The following GALNT7 variants were observed in gnomAD, a reference collection of about 807,000 sequenced individuals.
The protein encoded by GALNT7 is N-acetylgalactosaminyltransferase 7.
Under a neutral mutation model 82.1 loss-of-function variants are expected in GALNT7, and 60 were observed. The ratio of observed to expected loss-of-function variants is 0.73; its 90% CI spans 0.59 to 0.91. GALNT7 has a LOEUF of 0.91. Ranked by LOEUF, GALNT7 falls within the 40% of genes least tolerant of loss-of-function variation. The pLI is 0.00. For missense variants in GALNT7, 660 were observed against 804.2 expected (o/e 0.82, Z 2.17); for synonymous variants, 243 against 275.1 (o/e 0.88, Z 1.15).
chr4:173,221,161 C>T (rs916485966), intron 1 of GALNT7, among the ~76,000 whole-genome samples: 2 of 151,904 alleles, frequency 1.3e-5, no homozygotes, highest in African/African-American at 4.8e-5. Flanking sequence ...TCTCCAGCAC[C>T]TGTTGTTTCC....
intron 2 of GALNT7, among the ~76,000 whole-genome samples, chr4:173,263,614 T>G (rs1272044247): frequency 1.3e-5 from 2 of 152,172 alleles, no homozygotes; most frequent in East Asian, 3.9e-4. Context: ...TTAAATGGTA[T>G]AGGGCAACCA....
chr4:173,315,811 T>C (rs1737578435), intron 9 of GALNT7: 1 of 152,182 alleles, frequency 6.6e-6, no homozygotes, highest in Admixed American at 6.5e-5. Context: ...GTAACAGGCA[T>C]TTCAAACTCG....
At chr4:173,276,815 A>AT (rs151292026) in intron 2 of GALNT7, among the ~76,000 whole-genome samples, 6 of 150,554 alleles carry the variant, frequency 4.0e-5, no homozygotes, top group Non-Finnish European at 7.4e-5. Context: ...TTGCATGAAA[A>AT]TTTTTTTTTT....
At chr4:173,274,665 T>C (rs913904313) in intron 2 of GALNT7, among the ~76,000 whole-genome samples, 1 of 152,184 alleles carries the variant, frequency 6.6e-6, no homozygotes, top group Admixed American at 6.5e-5. Context: ...TGAGATAACA[T>C]GTATTAAAGT....
chr4:173,188,739 C>T (rs145505399), intron 1 of GALNT7, among the ~76,000 whole-genome samples: 600 of 152,280 alleles, frequency 3.9e-3, no homozygotes, highest in Admixed American at 7.7e-3. Context: ...GTAAATCTTA[C>T]CATCCTTCAA....
intron 1 of GALNT7, among the ~76,000 whole-genome samples, chr4:173,245,890 C>T (rs998630182): frequency 5.3e-5 from 8 of 152,134 alleles, no homozygotes; most frequent in African/African-American, 1.9e-4. Flanking sequence ...TACTCTGACC[C>T]TTAGTATGGC....
chr4:173,281,351 A>G (rs56190041), intron 2 of GALNT7, among the ~76,000 whole-genome samples: 44,788 of 151,952 alleles, frequency 0.29, 7,760 homozygotes, highest in Non-Finnish European at 0.39. Flanking sequence ...ATGGGGACTT[A>G]TCTCCATTTT....
At chr4:173,263,777 G>A (rs1250610010) in intron 2 of GALNT7, among the ~76,000 whole-genome samples, 1 of 152,048 alleles carries the variant, frequency 6.6e-6, no homozygotes, top group Non-Finnish European at 1.5e-5. Context: ...GATTGCTTTT[G>A]GAATGCCAAG....
At chr4:173,223,649 T>C (rs1197317190) in intron 1 of GALNT7, among the ~76,000 whole-genome samples, 1 of 151,752 alleles carries the variant, frequency 6.6e-6, no homozygotes, top group Middle Eastern at 3.2e-3. Flanking sequence ...CTAAAGAACA[T>C]TTTTAATGTT....
At chr4:173,178,046 T>TGC (rs1198017327) in intron 1 of GALNT7, among the ~76,000 whole-genome samples, 5,772 of 105,028 alleles carry the variant, frequency 0.055, 137 homozygotes, top group East Asian at 0.12. Context: ...TGTGTGTGTG[T>TGC]GTGTGTGCGC....
At chr4:173,178,040 TGTGTGTGTGTGTGCGCGCACGC>T (rs1732113137) in intron 1 of GALNT7, among the ~76,000 whole-genome samples, 1 of 118,416 alleles carries the variant, frequency 8.4e-6, no homozygotes, top group African/African-American at 3.9e-5. Context: ...TGTGTGTGTG[TGTGTGTGTGTGTGCGCGCACGC>T]GCGTGCGCAC....
chr4:173,260,398 G>A (rs535693667), intron 2 of GALNT7, among the ~76,000 whole-genome samples: 2 of 152,330 alleles, frequency 1.3e-5, no homozygotes, highest in South Asian at 4.1e-4. Flanking sequence ...TGTAGGTGGT[G>A]AAGATTTAAT....
intron 11 of GALNT7, among the ~76,000 whole-genome samples, chr4:173,319,884 T>C (rs1737741280): frequency 6.6e-6 from 1 of 151,170 alleles, no homozygotes; most frequent in Admixed American, 6.6e-5. Flanking sequence ...TGCTGAGGAG[T>C]TTCATAGAGG....
intron 1 of GALNT7, among the ~76,000 whole-genome samples, chr4:173,202,845 T>C (rs763259739): frequency 6.6e-6 from 1 of 152,214 alleles, no homozygotes; most frequent in Non-Finnish European, 1.5e-5. Flanking sequence ...TATTTAGGTG[T>C]GCTAATGTTA....
intron 2 of GALNT7, among the ~76,000 whole-genome samples, chr4:173,271,583 A>T (rs767322971): frequency 1.1e-4 from 17 of 151,986 alleles, no homozygotes; most frequent in Non-Finnish European, 2.1e-4. Context: ...CAGACTCCCG[A>T]GTAGGTGGGA....
chr4:173,241,572 A>T lies in GALNT7; in HGVS notation c.127-6408A>T, dbSNP rs150266079. Among the ~76,000 whole-genome samples the T allele has an allele frequency of 5.9e-5, 9 of 152,322 alleles. No individual in the cohort carries two copies. The East Asian group carries it at 1.5e-3, about 26-fold the overall frequency. On this transcript the variant is annotated intron_variant, in intron 1 of 11. Transcript: ENST00000265000. Reference sequence around the variant, plus strand: ...TATTGAGAGGCTCTTATATAATGGAAATCTTCCTTTTATTCAGATGACTAG... The same window carrying T: ...TATTGAGAGGCTCTTATATAATGGATATCTTCCTTTTATTCAGATGACTAG...
At chr4:173,299,894 C>G (rs1347390900) in intron 6 of GALNT7, among the ~76,000 whole-genome samples, 2 of 150,934 alleles carry the variant, frequency 1.3e-5, no homozygotes, top group Non-Finnish European at 3.0e-5. Flanking sequence ...TCTTAAATGA[C>G]AGTTAAATAA....
At chr4:173,207,696 C>CT (rs1259262099) in intron 1 of GALNT7, among the ~76,000 whole-genome samples, 2 of 152,264 alleles carry the variant, frequency 1.3e-5, no homozygotes, top group Non-Finnish European at 2.9e-5. Flanking sequence ...AGGGAAGTAA[C>CT]TAAGTTGCTC....
chr4:173,189,680 C>T (rs890466381), intron 1 of GALNT7, among the ~76,000 whole-genome samples: 3 of 152,160 alleles, frequency 2.0e-5, no homozygotes, highest in African/African-American at 7.2e-5. Flanking sequence ...TTGGCAACTC[C>T]CTGCAGTAGT....
Sources: allele counts gnomAD v4.1 joint callset (sites outside exome capture counted in the v4.1 genomes callset), GRCh38; gene constraint gnomAD v4.1.1; transcripts MANE v1.5; gene names NCBI Gene and HGNC (gene_info 2026-07-23, HGNC 2026-07-21).